The following CTNNA2 variants were observed in gnomAD, a reference collection of about 807,000 sequenced individuals.
CTNNA2 encodes the protein catenin alpha 2, also known as catenin alpha-2.
CTNNA2 carries 42 observed loss-of-function variants against 101.0 expected under a neutral mutation model. The ratio of observed to expected loss-of-function variants is 0.42; its 90% CI spans 0.32 to 0.54. The LOEUF is 0.54. Ranked by LOEUF, CTNNA2 falls within the 20% of genes least tolerant of loss-of-function variation. The pLI is 0.14. For missense variants in CTNNA2, 871 were observed against 1,223.1 expected (o/e 0.71, Z 4.29); for synonymous variants, 450 against 456.4 (o/e 0.99, Z 0.18).
At chr2:79,406,563 G>C (rs886731722) in intron 4 of CTNNA2, among the ~76,000 whole-genome samples, 2 of 151,982 alleles carry the variant, frequency 1.3e-5, no homozygotes, top group African/African-American at 4.8e-5. Context: ...GTCTTATGCA[G>C]CTGTCTTAGG....
At chr2:80,344,889 T>C (rs1448224105) in intron 7 of CTNNA2, among the ~76,000 whole-genome samples, 4 of 152,282 alleles carry the variant, frequency 2.6e-5, no homozygotes, top group African/African-American at 9.6e-5. Context: ...TTGGGGTCCC[T>C]TCATCCTCTC....
intron 6 of CTNNA2, among the ~76,000 whole-genome samples, chr2:79,902,811 G>C (rs990835955): frequency 7.9e-5 from 12 of 152,004 alleles, no homozygotes; most frequent in Non-Finnish European, 1.8e-4. Context: ...ATTTTTAGTA[G>C]AGGCGGGGTT....
chr2:79,730,595 T>C (rs1003345357), intron 2 of CTNNA2, among the ~76,000 whole-genome samples: 7 of 152,068 alleles, frequency 4.6e-5, no homozygotes, highest in African/African-American at 1.7e-4. Context: ...TTCATTTTAG[T>C]ATTAATTCCA....
chr2:79,744,276 G>A (rs1286334906), intron 2 of CTNNA2, 111 bp from the exon 3 acceptor site: 2 of 1,038,162 alleles, frequency 1.9e-6, no homozygotes, highest in Non-Finnish European at 2.7e-6. Flanking sequence ...TCATGATTTA[G>A]TATTGAAATC....
At chr2:79,581,142 C>A (rs2103901988) in intron 1 of CTNNA2, among the ~76,000 whole-genome samples, 1 of 152,274 alleles carries the variant, frequency 6.6e-6, no homozygotes, top group East Asian at 1.9e-4. Flanking sequence ...TAAACATTCC[C>A]CTTGGAGCAT....
At chr2:79,332,581 T>C (rs2104419877) in intron 3 of CTNNA2, among the ~76,000 whole-genome samples, 1 of 152,320 alleles carries the variant, frequency 6.6e-6, no homozygotes, top group African/African-American at 2.4e-5. Context: ...ACTTTCCATA[T>C]TTATTAATGG....
rs371355777 is a variant in CTNNA2 at position 80,633,611 on chromosome 2, A to C, written c.2575-13974A>C. Among the ~76,000 whole-genome samples, 13 of 152,180 alleles carry C rather than the reference A, an allele frequency of 8.5e-5. 1 individual carries two copies. In the East Asian group the frequency reaches 1.9e-3, roughly 23 times the overall value. On this transcript the variant is annotated intron_variant, in intron 18 of 18. Transcript: ENST00000402739. Reference sequence around the variant, plus strand: ...AGCCTATGGTAGATCTGCCTGGTCAAAGAAGACTGCATGTTCTACCCAGAA... The same window carrying C: ...AGCCTATGGTAGATCTGCCTGGTCACAGAAGACTGCATGTTCTACCCAGAA...
chr2:80,511,115 G>A (rs141810073), intron 9 of CTNNA2, among the ~76,000 whole-genome samples: 149 of 152,204 alleles, frequency 9.8e-4, no homozygotes, highest in African/African-American at 3.3e-3. Flanking sequence ...TCATTCTCTG[G>A]GAAGTAGACT....
intron 2 of CTNNA2, among the ~76,000 whole-genome samples, chr2:79,714,166 G>A (rs1219417302): frequency 6.6e-6 from 1 of 152,238 alleles, no homozygotes; most frequent in East Asian, 1.9e-4. Flanking sequence ...CTGGACTAGA[G>A]CTCCAGAGTT....
At chr2:80,500,288 C>A (rs1054432200) in intron 9 of CTNNA2, among the ~76,000 whole-genome samples, 2 of 152,120 alleles carry the variant, frequency 1.3e-5, no homozygotes, top group African/African-American at 2.4e-5. Context: ...CAAAACTCTT[C>A]CTCCTGCTAC....
intron 13 of CTNNA2, 66 bp from the exon 14 acceptor site, chr2:80,581,640 G>A: frequency 1.0e-6 from 1 of 991,802 alleles, no homozygotes; most frequent in Non-Finnish European, 1.6e-6. Context: ...CCTTTGCAAT[G>A]AAGTGTGTGG....
intron 7 of CTNNA2, among the ~76,000 whole-genome samples, chr2:80,126,080 T>C (rs1366395537): frequency 6.6e-6 from 1 of 152,160 alleles, no homozygotes; most frequent in Non-Finnish European, 1.5e-5. Context: ...CCTATATAGA[T>C]TTTTGCCCTG....
At chr2:80,004,182 C>T (rs1693168551) in intron 7 of CTNNA2, among the ~76,000 whole-genome samples, 1 of 152,244 alleles carries the variant, frequency 6.6e-6, no homozygotes, top group Non-Finnish European at 1.5e-5. Context: ...AAACAATGTA[C>T]AGTCTCCTTT....
chr2:80,524,808 C>A (rs993409553), intron 9 of CTNNA2, among the ~76,000 whole-genome samples: 1 of 152,176 alleles, frequency 6.6e-6, no homozygotes, highest in African/African-American at 2.4e-5. Flanking sequence ...GCTCTCCACC[C>A]ACTTGGTGGT....
chr2:80,091,086 T>G (rs1187082302), intron 7 of CTNNA2, among the ~76,000 whole-genome samples: 1 of 152,134 alleles, frequency 6.6e-6, no homozygotes, highest in Admixed American at 6.5e-5. Flanking sequence ...AATTTCAGCA[T>G]TAGACTCCAA....
At chr2:80,576,408 C>T (rs1414413082) in intron 13 of CTNNA2, 1 of 140,092 alleles carries the variant, frequency 7.1e-6, no homozygotes, top group African/African-American at 2.6e-5. Context: ...GAGGCTTGTC[C>T]ATTGGGATCT....
intron 7 of CTNNA2, among the ~76,000 whole-genome samples, chr2:80,216,038 C>T (rs963932362): frequency 2.6e-5 from 4 of 152,220 alleles, no homozygotes; most frequent in Non-Finnish European, 5.9e-5. Context: ...AGCGAGGCTC[C>T]ATGGGCATGG....
At chr2:79,954,479 T>C (rs1342316962) in intron 7 of CTNNA2, among the ~76,000 whole-genome samples, 1 of 152,224 alleles carries the variant, frequency 6.6e-6, no homozygotes, top group Admixed American at 6.5e-5. Context: ...TTACAGATGT[T>C]GCTGTCATAT....
chr2:79,358,104 A>G (rs68155632), intron 3 of CTNNA2, among the ~76,000 whole-genome samples: 34,827 of 152,126 alleles, frequency 0.23, 5,025 homozygotes, highest in Admixed American at 0.37. Flanking sequence ...TGGTGAAGAT[A>G]AAAGAGATTT....
Sources: gnomAD v4.1 joint callset for allele counts (sites outside exome capture counted in the v4.1 genomes callset) on GRCh38, gnomAD v4.1.1 for gene constraint, MANE v1.5 for transcripts, NCBI Gene and HGNC (gene_info 2026-07-23, HGNC 2026-07-21) for gene names.